Variants in PHACTR2 observed in about 807,000 individuals in gnomAD.
PHACTR2 encodes the protein chromosome 6 open reading frame 56.
Under a neutral mutation model 76.0 loss-of-function variants are expected in PHACTR2, and 30 were observed. That is an observed-to-expected ratio of 0.39 (90% CI 0.30 to 0.54). The LOEUF is 0.54. Among genes scored for constraint, PHACTR2 ranks in the 20% least tolerant of loss-of-function variants. The pLI is 0.61. For synonymous variants in PHACTR2, 292 were observed against 292.5 expected, an observed-to-expected ratio of 1.00 and a Z score of 0.02; for missense variants, 696 against 781.1, an observed-to-expected ratio of 0.89 and a Z score of 1.30.
In PHACTR2 at chr6:143,561,069, G is replaced by A. The variant is rs1775265221; in HGVS notation, c.217+23862G>A. 1 of 153,130 alleles carries A rather than the reference G, an allele frequency of 6.5e-6. No homozygotes were observed. The highest frequency in any genetic ancestry group is 1.5e-5 in the Non-Finnish European group (1 of 68,868). 9.5% of individuals were successfully genotyped at this position (153,130 alleles called of 1,614,324 possible). On this transcript the variant is annotated intron_variant, in intron 1 of 11. Transcript: ENST00000367584. This position sits in a 1 kb window ranked among gnomAD's most constrained non-coding sequence, Gnocchi z 4.1. The stretch of plus-strand genomic sequence containing the variant: ...GCTGGGCTGGGCTGATTAGTCTTAG[G>A]ACAAGATAGGCTTCACTGGCTGCCA...
At position 143,784,518 on chromosome 6, in the gene PHACTR2, T is replaced by G. The variant is rs765481003; in HGVS notation, c.1707+1238T>G. 6.6e-6 allele frequency among the ~76,000 whole-genome samples: 1 copy of G among 151,844 alleles called. No homozygotes were observed. The highest frequency in any genetic ancestry group is 2.4e-5 in the African/African-American group (1 of 41,288). ...ACATTTTTGTGGGCTGGCCAGGGAG[T>G]CTTCAACAAAAGCATTCCAAGGCAG... is the stretch of plus-strand genomic sequence containing the variant. On this transcript the variant is annotated intron_variant, in intron 10 of 12. Transcript: ENST00000440869. This position sits in a 1 kb window ranked among gnomAD's most constrained non-coding sequence, Gnocchi z 4.5.
rs67124785 is a variant in PHACTR2 at position 143,827,155 on chromosome 6, A to AATATATATATATATATATAT, written c.*3491_*3510dup. On this transcript the variant is annotated 3_prime_UTR_variant, in exon 13 of 13. Coordinates refer to ENST00000440869, the MANE Select transcript of PHACTR2 (RefSeq NM_001100164.2). ...GGGCTGCGTTGGCATTAAAAAAGAA[A>AATATATATATATATATATAT]ATATATATATATATATATATATATA... 1.3e-5 allele frequency: 1 copy of AATATATATATATATATATAT among 77,232 alleles called. No homozygotes were observed. 4.8% of individuals were successfully genotyped at this position (77,232 alleles called of 1,614,324 possible). A position where few individuals can be genotyped will look rare whatever the true frequency, so the allele number is the denominator to read the frequency against.
rs572386547 is a variant in PHACTR2, at chr6:143,731,575, C to G, written c.215-17410C>G. On this transcript the variant is annotated intron_variant, in intron 2 of 12. Transcript: ENST00000440869. The surrounding 1 kb of genome is among the most constrained non-coding windows in gnomAD (Gnocchi z 4.9). ...GTGCTGGGATTACAGGCATGAGCTACGGCGCCCAGCCAGCCCCACTGTGTT... is the reference window on the plus strand; with the variant it reads ...GTGCTGGGATTACAGGCATGAGCTAGGGCGCCCAGCCAGCCCCACTGTGTT... Among the ~76,000 whole-genome samples the G allele has an allele frequency of 6.6e-6, 1 of 152,068 alleles. No homozygotes were observed. The highest frequency in any genetic ancestry group is 1.5e-5 in the Non-Finnish European group (1 of 68,012).
rs1776635191 is a variant in PHACTR2 at position 143,830,187 on chromosome 6, A to G, written c.*6498A>G. 2 of 151,524 alleles carry G rather than the reference A, an allele frequency of 1.3e-5. No homozygotes were observed. The allele number at this position is 151,524 out of a possible 1,614,324, so 9.4% of individuals were successfully genotyped here. On this transcript the variant is annotated 3_prime_UTR_variant, in exon 13 of 13. Coordinates refer to ENST00000440869, the MANE Select transcript of PHACTR2 (RefSeq NM_001100164.2). ...TCTTTTTCTTTTTTTTAAAAAAAAC[A>G]TTTCTTCTGTGGCTTAGAAATGTGC... is the stretch of plus-strand genomic sequence containing the variant.
At chr6:143,634,925 T>C (rs892989222) in intron 1 of PHACTR2, among the ~76,000 whole-genome samples, 1 of 152,240 alleles carries the variant, frequency 6.6e-6, no homozygotes, top group Non-Finnish European at 1.5e-5. Context: ...TTCTCATTTT[T>C]TTTTTAGAAA....
chr6:143,615,696 C>G (rs1306606654), intron 1 of PHACTR2, among the ~76,000 whole-genome samples: 2 of 151,982 alleles, frequency 1.3e-5, no homozygotes, highest in African/African-American at 2.4e-5. Context: ...ATGGAAAGAG[C>G]CTTTCCCATA....
intron 11 of PHACTR2, among the ~76,000 whole-genome samples, chr6:143,805,499 A>AC (rs1562314255): frequency 2.0e-5 from 3 of 150,604 alleles, no homozygotes; most frequent in Non-Finnish European, 2.9e-5. Flanking sequence ...AAAAAAAAAA[A>AC]ACCTCCTTTC....
intron 2 of PHACTR2, among the ~76,000 whole-genome samples, chr6:143,725,198 CTTTTTTTTTTTTTTTTTT>C (rs59963214): frequency 6.0e-4 from 37 of 61,808 alleles, no homozygotes; most frequent in Non-Finnish European, 6.9e-4. Flanking sequence ...TTTGTGCTGT[CTTTTTTTTTTTTTTTTTT>C]TTTTTTTTTG....
rs918398069 is a variant in PHACTR2 at position 143,537,160 on chromosome 6, C to T, written c.170C>T (p.Ser57Leu). 2 of 326,392 alleles carry T rather than the reference C, an allele frequency of 6.1e-6. No individual in the cohort carries two copies. The highest frequency in any genetic ancestry group is 1.2e-5 in the Non-Finnish European group (2 of 167,210). The allele number at this position is 326,392 out of a possible 1,614,324, so 20.2% of individuals were successfully genotyped here. ...GGCCGCTCACAGAGCGACCTCTCGTCGTCCTCGAGCAGGGGCCGCCCGCTC... is the reference window on the plus strand; with the variant it reads ...GGCCGCTCACAGAGCGACCTCTCGTTGTCCTCGAGCAGGGGCCGCCCGCTC... The change falls in exon 1 of 12, where the codon TCG (serine) becomes TTG (leucine). Residue 57 changes from serine to leucine, a missense_variant. Physicochemically the swap from Ser to Leu is moderately radical, Grantham distance 145. Transcript: ENST00000367584. This position sits in a 1 kb window ranked among gnomAD's most constrained non-coding sequence, Gnocchi z 4.4.
Position 143,803,425 on chromosome 6 carries a change from G to A in PHACTR2, c.1846-3632G>A, listed in dbSNP as rs892688283. 6.6e-6 allele frequency among the ~76,000 whole-genome samples: 1 copy of A among 152,112 alleles called. No individual in the cohort carries two copies. Among genetic ancestry groups the A allele is most frequent in the African/African-American group, 2.4e-5 (1 of 41,426 alleles). On this transcript the variant is annotated intron_variant, in intron 11 of 12. Coordinates refer to ENST00000440869, the MANE Select transcript of PHACTR2 (RefSeq NM_001100164.2). The surrounding 1 kb of genome is among the most constrained non-coding windows in gnomAD (Gnocchi z 4.7). ...TAGCCAGGCATGATGGCGCACACCTGTAGGCCCAGCCACTCAGGAGGCTGA... is the reference window on the plus strand; with the variant it reads ...TAGCCAGGCATGATGGCGCACACCTATAGGCCCAGCCACTCAGGAGGCTGA...
Position 143,619,326 on chromosome 6 carries a change from T to G in PHACTR2, c.13+11004T>G, listed in dbSNP as rs1776111520. On this transcript the variant is annotated intron_variant, in intron 1 of 11. Coordinates refer to the PHACTR2 transcript ENST00000305766. The surrounding 1 kb of genome is among the most constrained non-coding windows in gnomAD (Gnocchi z 4.5). ...TTTTAAGAAATGCTTCACAGATGAT[T>G]CCTCTACGCCCTGGTGAGACCCATT... Among the ~76,000 whole-genome samples the G allele has an allele frequency of 2.0e-5, 3 of 152,310 alleles. 1 individual carries two copies. In the South Asian group the frequency reaches 6.2e-4, roughly 32 times the overall value.
chr6:143,742,172 A>AT lies in PHACTR2; in HGVS notation c.215-6813_215-6812insT, dbSNP rs34221471. On this transcript the variant is annotated intron_variant, in intron 2 of 12. Transcript: ENST00000440869. This position sits in a 1 kb window ranked among gnomAD's most constrained non-coding sequence, Gnocchi z 4.5. ...TAGTCAGGGCTCTTCACTGCTGATG[A>AT]ATCATGACAAACTTAATGAAAGAGA... Among the ~76,000 whole-genome samples, 13,834 of 150,462 alleles carry AT rather than the reference A, an allele frequency of 0.092. 1,205 individuals are homozygous for AT. The highest frequency in any genetic ancestry group is 0.23 in the African/African-American group (9,549 of 40,642).
At chr6:143,613,055 C>T (rs1776005174) in intron 1 of PHACTR2, among the ~76,000 whole-genome samples, 1 of 152,256 alleles carries the variant, frequency 6.6e-6, no homozygotes, top group African/African-American at 2.4e-5. Flanking sequence ...CGGCTCACTG[C>T]AAGCTCCGCC....
chr6:143,727,597 C>T (rs192504433), intron 2 of PHACTR2, among the ~76,000 whole-genome samples: 107 of 123,098 alleles, frequency 8.7e-4, no homozygotes, highest in Middle Eastern at 4.1e-3. Flanking sequence ...TAAGAGTTCC[C>T]ATTTCTTTGA....
At chr6:143,714,920 A>G (rs1440912200) in intron 2 of PHACTR2, among the ~76,000 whole-genome samples, 1 of 152,118 alleles carries the variant, frequency 6.6e-6, no homozygotes, top group African/African-American at 2.4e-5. Flanking sequence ...GGATTTTTAT[A>G]TATGCTTGTA....
Position 143,773,989 on chromosome 6 carries a change from C to T in PHACTR2, c.1433-70C>T. ...GTCTGGGCTCTATTTAAAGTCCATG[C>T]CATGTGTAACCTGAGTGCCACTGGC... is the stretch of plus-strand genomic sequence containing the variant. On this transcript the variant is annotated intron_variant, in intron 7 of 12. Coordinates refer to ENST00000440869, the MANE Select transcript of PHACTR2 (RefSeq NM_001100164.2). The T allele has an allele frequency of 3.0e-6, 4 of 1,343,294 alleles. No individual in the cohort carries two copies. The East Asian group carries it at 7.0e-5, about 23-fold the overall frequency. The allele number at this position is 1,343,294 out of a possible 1,614,324, so 83.2% of individuals were successfully genotyped here.
intron 1 of PHACTR2, among the ~76,000 whole-genome samples, chr6:143,631,231 C>G (rs1366490505): frequency 1.3e-5 from 2 of 152,078 alleles, no homozygotes; most frequent in African/African-American, 2.4e-5. Flanking sequence ...CACTCTGTTG[C>G]CCAGGCTGGA....
chr6:143,613,091 C>T (rs1222987647), intron 1 of PHACTR2, among the ~76,000 whole-genome samples: 6 of 152,250 alleles, frequency 3.9e-5, no homozygotes, highest in Non-Finnish European at 7.3e-5. Flanking sequence ...ATTCCCTGGC[C>T]TCAGCCTCCC....
At chr6:143,687,767 C>CTGAAGTGCTATTTTGCTTA (rs1777556231) in intron 1 of PHACTR2, among the ~76,000 whole-genome samples, 1 of 152,178 alleles carries the variant, frequency 6.6e-6, no homozygotes, top group African/African-American at 2.4e-5. Flanking sequence ...CAAGGAAGGA[C>CTGAAGTGCTATTTTGCTTA]TGAAGTGCTA....
Sources: allele counts gnomAD v4.1 joint callset (sites outside exome capture counted in the v4.1 genomes callset), GRCh38; gene constraint gnomAD v4.1.1; non-coding constraint Gnocchi (gnomAD v3.1); transcripts MANE v1.5; gene names NCBI Gene and HGNC (gene_info 2026-07-23, HGNC 2026-07-21).